Variants in ZMYND8 observed in about 807,000 individuals in gnomAD.
ZMYND8 encodes the protein zinc finger MYND-type containing 8.
In ZMYND8, 37 loss-of-function variants were observed where a neutral mutation model predicts 140.8. The observed-to-expected ratio is 0.26, with a 90% CI of 0.20 to 0.35. The LOEUF (loss-of-function observed/expected upper bound fraction) is 0.35. Among genes scored for constraint, ZMYND8 ranks in the 10% least tolerant of loss-of-function variants. ZMYND8 has a pLI of 1.00. For missense variants in ZMYND8, 1,068 were observed against 1,570.0 expected (o/e 0.68, Z 5.40); for synonymous variants, 592 against 597.1 (o/e 0.99, Z 0.12).
intron 10 of ZMYND8, among the ~76,000 whole-genome samples, chr20:47,280,861 G>A (rs1291654755): frequency 1.3e-5 from 2 of 152,018 alleles, no homozygotes; most frequent in Non-Finnish European, 2.9e-5. Context: ...TATTCTCCCA[G>A]CATTTCCTGA....
intron 3 of ZMYND8, among the ~76,000 whole-genome samples, chr20:47,303,527 G>A (rs1195470662): frequency 6.6e-6 from 1 of 152,100 alleles, no homozygotes; most frequent in East Asian, 1.9e-4. Flanking sequence ...AGACCAGCCT[G>A]GCCAACATGG....
chr20:47,329,681 G>A (rs771074850), intron 2 of ZMYND8, among the ~76,000 whole-genome samples: 1 of 152,198 alleles, frequency 6.6e-6, no homozygotes, highest in African/African-American at 2.4e-5. Context: ...TGGGATTACA[G>A]GCGTGAGCCA....
chr20:47,324,740 T>TA (rs1310763886), intron 2 of ZMYND8, among the ~76,000 whole-genome samples: 1 of 152,086 alleles, frequency 6.6e-6, no homozygotes, highest in Non-Finnish European at 1.5e-5. Context: ...CCTTCATCTA[T>TA]AATGTTCTGT....
chr20:47,327,286 T>C (rs2080513334), intron 2 of ZMYND8, among the ~76,000 whole-genome samples: 1 of 151,026 alleles, frequency 6.6e-6, no homozygotes, highest in African/African-American at 2.4e-5. Context: ...ATTACAGACG[T>C]GAGCCACCGC....
chr20:47,213,643 A>G (rs1437655406), intron 21 of ZMYND8, among the ~76,000 whole-genome samples: 1 of 152,196 alleles, frequency 6.6e-6, no homozygotes, highest in Non-Finnish European at 1.5e-5. Context: ...TAAGGAGAAG[A>G]TGGACTGCCA....
intron 21 of ZMYND8, among the ~76,000 whole-genome samples, chr20:47,215,976 G>A (rs1167318235): frequency 6.6e-6 from 1 of 152,194 alleles, no homozygotes; most frequent in Non-Finnish European, 1.5e-5. Flanking sequence ...AAGCAATACA[G>A]AGTGAGAAAT....
At chr20:47,257,230 C>T (rs16992467) in intron 12 of ZMYND8, among the ~76,000 whole-genome samples, 4 of 152,032 alleles carry the variant, frequency 2.6e-5, no homozygotes, top group African/African-American at 9.7e-5. Flanking sequence ...TCTGTACAAA[C>T]CTTCCCATCT....
chr20:47,329,960 A>G (rs950879905), intron 2 of ZMYND8, among the ~76,000 whole-genome samples: 1 of 152,186 alleles, frequency 6.6e-6, no homozygotes, highest in African/African-American at 2.4e-5. Flanking sequence ...TAGTATGCAT[A>G]CGAATTTCTG....
intron 3 of ZMYND8, among the ~76,000 whole-genome samples, chr20:47,306,470 T>C (rs1270922448): frequency 1.3e-5 from 2 of 151,886 alleles, no homozygotes; most frequent in African/African-American, 2.4e-5. Context: ...ATTCCTAATA[T>C]ATGATAAATG....
intron 2 of ZMYND8, among the ~76,000 whole-genome samples, chr20:47,342,809 C>T (rs1188789570): frequency 9.5e-5 from 14 of 148,010 alleles, no homozygotes; most frequent in African/African-American, 3.0e-4. Context: ...ATCACACCAC[C>T]GCACTCCAGC....
At chr20:47,306,328 G>A (rs1029463682) in intron 3 of ZMYND8, among the ~76,000 whole-genome samples, 9 of 152,064 alleles carry the variant, frequency 5.9e-5, no homozygotes, top group African/African-American at 2.2e-4. Context: ...CGGGGAGGTC[G>A]AGCCTGCAGA....
At position 47,221,305 on chromosome 20, in the gene ZMYND8, G is replaced by A. The variant is rs756031942; in HGVS notation, c.3417+9C>T. 3 of 1,613,492 alleles carry A rather than the reference G, an allele frequency of 1.9e-6. No homozygotes were observed. Among genetic ancestry groups the A allele is most frequent in the East Asian group, 4.5e-5 (2 of 44,884 alleles). ...ATGTCACTAGCCAAAGGCATGGGGGGATCCTCACCGAGCCACTCTCCTTGC... is the reference window on the plus strand; with the variant it reads ...ATGTCACTAGCCAAAGGCATGGGGGAATCCTCACCGAGCCACTCTCCTTGC... On this transcript the variant is annotated intron_variant, in intron 20 of 22. Coordinates refer to ENST00000471951, the MANE Select transcript of ZMYND8 (RefSeq NM_001281775.3).
intron 12 of ZMYND8, among the ~76,000 whole-genome samples, chr20:47,261,474 G>T (rs2075144729): frequency 1.3e-5 from 2 of 151,952 alleles, no homozygotes; most frequent in African/African-American, 2.4e-5. Context: ...GGAGTTCAAG[G>T]TTGCAGTGAA....
chr20:47,317,514 G>T (rs775316421), intron 2 of ZMYND8, among the ~76,000 whole-genome samples: 1 of 152,160 alleles, frequency 6.6e-6, no homozygotes, highest in Non-Finnish European at 1.5e-5. Context: ...GGAAAGGGCC[G>T]CAGCTGAAAG....
chr20:47,291,705 C>A, intron 6 of ZMYND8, 91 bp downstream of exon 6: 1 of 928,070 alleles, frequency 1.1e-6, no homozygotes, highest in South Asian at 2.8e-5. Context: ...ATTGTTATGT[C>A]CAACTTGTGA....
intron 7 of ZMYND8, among the ~76,000 whole-genome samples, chr20:47,288,392 CTTTT>C (rs11411701): frequency 8.1e-6 from 1 of 123,288 alleles, no homozygotes; most frequent in Admixed American, 8.9e-5. Context: ...TACACCAATT[CTTTT>C]TTTTTTTTTT....
At chr20:47,223,628 C>A (rs534185344) in intron 19 of ZMYND8, among the ~76,000 whole-genome samples, 2 of 152,084 alleles carry the variant, frequency 1.3e-5, no homozygotes, top group South Asian at 4.2e-4. Flanking sequence ...AGTTAAAGAC[C>A]AGCCTGACCA....
chr20:47,235,272 C>G (rs536562134), intron 16 of ZMYND8, among the ~76,000 whole-genome samples: 1 of 152,312 alleles, frequency 6.6e-6, no homozygotes, highest in South Asian at 2.1e-4. Flanking sequence ...AAATTCCTGC[C>G]TTTGTGGACC....
chr20:47,339,808 T>C (rs1204547937), intron 2 of ZMYND8, among the ~76,000 whole-genome samples: 2 of 152,128 alleles, frequency 1.3e-5, no homozygotes, highest in Non-Finnish European at 2.9e-5. Flanking sequence ...ATTCTATCTG[T>C]GTGAGCAAAG....
Sources: allele counts gnomAD v4.1 joint callset (sites outside exome capture counted in the v4.1 genomes callset), GRCh38; gene constraint gnomAD v4.1.1; transcripts MANE v1.5; gene names NCBI Gene and HGNC (gene_info 2026-07-23, HGNC 2026-07-21).